Variants in GNG8 observed in about 807,000 individuals in gnomAD.
GNG8 encodes G protein subunit gamma 8.
Under a neutral mutation model 4.6 loss-of-function variants are expected in GNG8, and 3 were observed. That is an observed-to-expected ratio of 0.65 (90% CI 0.29 to 1.67). The LOEUF (loss-of-function observed/expected upper bound fraction) is 1.67. GNG8 is among the 40% of genes most tolerant of loss of function. The pLI is 0.10. For missense variants in GNG8, 88 were observed against 95.2 expected, an observed-to-expected ratio of 0.92 and a Z score of 0.32; for synonymous variants, 32 against 40.5, an observed-to-expected ratio of 0.79 and a Z score of 0.80.
At chr19:46,634,356 C>T (rs2122389317) in intron 2 of GNG8, 152 bp from the exon 3 acceptor site, 2 of 922,674 alleles carry the variant, frequency 2.2e-6, no homozygotes, top group East Asian at 5.4e-5. Context: ...CGTCCTGGCC[C>T]CTCCCCTGTC....
chr19:46,639,323 T>A (rs1000142200), upstream of GNG8, among the ~76,000 whole-genome samples: 1 of 152,050 alleles, frequency 6.6e-6, no homozygotes. The surrounding 1 kb of genome is among the most constrained non-coding windows in gnomAD (Gnocchi z 5.2). Flanking sequence ...TTTCTGGACC[T>A]GGAGAAGGCG....
At chr19:46,636,670 A>T, upstream of GNG8, 1 of 152,706 alleles carries the variant, frequency 6.5e-6, no homozygotes. Flanking sequence ...CCCAAATGCC[A>T]CACACAGCCG....
At chr19:46,638,898 TCA>T (rs2052884821), upstream of GNG8, 2 of 153,218 alleles carry the variant, frequency 1.3e-5, no homozygotes, top group South Asian at 2.1e-4. This position sits in a 1 kb window ranked among gnomAD's most constrained non-coding sequence, Gnocchi z 4.7. Flanking sequence ...ACAGAGAAAT[TCA>T]CAGACAGGGG....
chr19:46,634,256 G>T, intron 2 of GNG8, 52 bp from the exon 3 acceptor site: 5 of 1,542,782 alleles, frequency 3.2e-6, no homozygotes, highest in Non-Finnish European at 4.4e-6. Flanking sequence ...CCTTGGAGCC[G>T]CCCACTTAGG....
intron 1 of GNG8, among the ~76,000 whole-genome samples, chr19:46,635,054 G>T (rs2052856350): frequency 6.6e-6 from 1 of 152,042 alleles, no homozygotes; most frequent in African/African-American, 2.4e-5. Context: ...CCAGGAGGGG[G>T]GCCCCTCCCC....
rs1420957732 is a variant in GNG8 at position 46,634,675 on chromosome 19, T to C, written c.8A>G (p.Asn3Ser). MS[N>S]NMAKIAEARK... ...GGCCTCGGCAATCTTGGCCATGTTG[T>C]TGGACATGGTTGCGGCGGGGAAGGG... Residue 3 changes from asparagine (N) to serine (S), a missense_variant, in exon 2 of 3, where the codon AAC becomes AGC. Transcript: ENST00000693335. 3.7e-6 allele frequency: 6 copies of C among 1,612,608 alleles called. No individual in the cohort carries two copies. Among genetic ancestry groups the C allele is most frequent in the African/African-American group, 1.3e-5 (1 of 74,880 alleles).
intron 1 of GNG8, 108 bp from the exon 2 acceptor site, chr19:46,634,833 C>A: frequency 1.6e-6 from 1 of 634,734 alleles, no homozygotes; most frequent in Non-Finnish European, 2.9e-6. Context: ...TGGCCAGGGG[C>A]TGGTGGAGGG....
chr19:46,635,981 C>G (rs1173347642), intron 1 of GNG8, among the ~76,000 whole-genome samples, 166 bp downstream of exon 1: 2 of 151,740 alleles, frequency 1.3e-5, no homozygotes, highest in Non-Finnish European at 2.9e-5. Flanking sequence ...GAGATGGAAA[C>G]AGAAAGTGGG....
In GNG8 at chr19:46,634,653, C is replaced by T; in HGVS notation, c.30G>A (p.Glu10=). Residue 10 remains glutamate, a synonymous_variant, in exon 2 of 3, where the codon GAG becomes GAA. Transcript: ENST00000693335. ...TCAGCTGTTCCACCGTCTTGCGGGC[C>T]TCGGCAATCTTGGCCATGTTGTTGG... MSNNMAKIA[E]ARKTVEQLKL... 1.9e-6 allele frequency: 3 copies of T among 1,613,118 alleles called. No individual in the cohort carries two copies. Among genetic ancestry groups the T allele is most frequent in the Admixed American group, 1.7e-5 (1 of 59,950 alleles).
chr19:46,635,911 G>C (rs901085791), intron 1 of GNG8, among the ~76,000 whole-genome samples: 119 of 151,170 alleles, frequency 7.9e-4, no homozygotes, highest in Non-Finnish European at 1.4e-3. Context: ...ACAGAGACGG[G>C]GAGATAGAGG....
upstream of GNG8, chr19:46,637,526 A>T (rs936036815): frequency 1.3e-5 from 2 of 152,732 alleles, no homozygotes; most frequent in East Asian, 3.9e-4. Flanking sequence ...AAACTCTCGC[A>T]TGCACTGTCA....
intron 1 of GNG8, among the ~76,000 whole-genome samples, 189 bp from the exon 2 acceptor site, chr19:46,634,914 G>T (rs1052780518): frequency 6.6e-6 from 1 of 152,002 alleles, no homozygotes; most frequent in African/African-American, 2.4e-5. Context: ...GCTAAGGCAG[G>T]TGGGGAGAGA....
intron 1 of GNG8, among the ~76,000 whole-genome samples, chr19:46,635,340 G>T (rs1271492329): frequency 6.6e-6 from 1 of 150,878 alleles, no homozygotes; most frequent in Non-Finnish European, 1.5e-5. Context: ...GTAATGGAGG[G>T]AGAGACTGAG....
intron 1 of GNG8, among the ~76,000 whole-genome samples, chr19:46,635,469 A>G (rs1270262769): frequency 1.6e-5 from 2 of 123,596 alleles, no homozygotes; most frequent in Non-Finnish European, 3.4e-5. Flanking sequence ...ACAGGGTGAT[A>G]CAAGGCGACA....
At chr19:46,635,150 G>A (rs2052857228) in intron 1 of GNG8, among the ~76,000 whole-genome samples, 1 of 152,008 alleles carries the variant, frequency 6.6e-6, no homozygotes, top group Non-Finnish European at 1.5e-5. Flanking sequence ...TAGGGCCTTG[G>A]CAGCAGCTGC....
intron 1 of GNG8, among the ~76,000 whole-genome samples, chr19:46,635,148 T>A (rs919161413): frequency 7.9e-5 from 12 of 151,944 alleles, no homozygotes; most frequent in African/African-American, 2.9e-4. Flanking sequence ...ATTAGGGCCT[T>A]GGCAGCAGCT....
At chr19:46,638,262 T>A (rs1212889358), upstream of GNG8, 1 of 152,812 alleles carries the variant, frequency 6.5e-6, no homozygotes, top group Non-Finnish European at 1.5e-5. This position sits in a 1 kb window ranked among gnomAD's most constrained non-coding sequence, Gnocchi z 4.7. Flanking sequence ...TCTCTCAGCA[T>A]CACCAGTAAT....
Position 46,634,506 on chromosome 19 carries a change from A to C in GNG8, c.84+93T>G, listed in dbSNP as rs561323682. On this transcript the variant is annotated intron_variant, in intron 2 of 2. Transcript: ENST00000693335. Reference sequence around the variant, plus strand: ...CTTGCCCAGCCCTGTTCCCAGGGGCATCCTTGCACTATGGCTCCGAGCCGG... The same window carrying C: ...CTTGCCCAGCCCTGTTCCCAGGGGCCTCCTTGCACTATGGCTCCGAGCCGG... 6 of 1,076,440 alleles carry C rather than the reference A, an allele frequency of 5.6e-6. No individual in the cohort carries two copies. In the African/African-American group the frequency reaches 9.9e-5, roughly 18 times the overall value. The allele number at this position is 1,076,440 out of a possible 1,614,324, so 66.7% of individuals were successfully genotyped here. A position where few individuals can be genotyped will look rare whatever the true frequency, so the allele number is the denominator to read the frequency against.
chr19:46,634,778 G>A, intron 1 of GNG8, 53 bp from the exon 2 acceptor site: 1 of 967,284 alleles, frequency 1.0e-6, no homozygotes, highest in Non-Finnish European at 1.6e-6. Context: ...GCGAGAGGGC[G>A]GGCCCCGGTA....
Sources: allele counts gnomAD v4.1 joint callset (sites outside exome capture counted in the v4.1 genomes callset), GRCh38; gene constraint gnomAD v4.1.1; non-coding constraint Gnocchi (gnomAD v3.1); transcripts MANE v1.5; gene names NCBI Gene and HGNC (gene_info 2026-07-23, HGNC 2026-07-21).